Variants in FAP observed in about 807,000 individuals in gnomAD.
FAP encodes fibroblast activation protein alpha.
In FAP, 110 loss-of-function variants were observed where a neutral mutation model predicts 126.5. That is an observed-to-expected ratio of 0.87 (90% confidence interval 0.74 to 1.02). The LOEUF is 1.02. Ranked by LOEUF, FAP falls within the 50% of genes least tolerant of loss-of-function variation. The probability of loss-of-function intolerance (pLI) is 0.00; values close to 1 mark genes in which losing one functional copy is unlikely to be tolerated. For missense variants in FAP, 919 were observed against 909.2 expected (o/e 1.01, Z -0.14); for synonymous variants, 334 against 297.3 (o/e 1.12, Z -1.27).
intron 12 of FAP, among the ~76,000 whole-genome samples, chr2:162,206,319 C>G (rs1424833326): frequency 6.6e-6 from 1 of 152,194 alleles, no homozygotes; most frequent in South Asian, 2.1e-4. Context: ...ACACTGGTTT[C>G]TTTATTATGC....
At chr2:162,197,579 C>T in intron 16 of FAP, 1 of 456,650 alleles carries the variant, frequency 2.2e-6, no homozygotes, top group Non-Finnish European at 4.4e-6. Flanking sequence ...CATCTTTGTG[C>T]TATCTTCAAG....
intron 6 of FAP, chr2:162,221,846 C>A: frequency 2.5e-6 from 1 of 399,234 alleles, no homozygotes; most frequent in Non-Finnish European, 4.9e-6. Flanking sequence ...TTTATAGAGT[C>A]TTCAAAGGCA....
chr2:162,239,169 C>T (rs1423397189), intron 2 of FAP, among the ~76,000 whole-genome samples: 3 of 151,970 alleles, frequency 2.0e-5, no homozygotes, highest in Admixed American at 6.6e-5. Flanking sequence ...ATAGCTGGGA[C>T]GAAAGGTGCA....
Position 162,174,433 on chromosome 2 carries a change from C to T in FAP, c.1969+434G>A, listed in dbSNP as rs529570687. On this transcript the variant is annotated intron_variant, in intron 22 of 25. Coordinates refer to ENST00000188790, the MANE Select transcript of FAP (RefSeq NM_004460.5). ...ATAGGCACAAACAGGAGTATTTCTCCAACAAAGTTTTTGTTTCTTTGATTT... is the reference window on the plus strand; with the variant it reads ...ATAGGCACAAACAGGAGTATTTCTCTAACAAAGTTTTTGTTTCTTTGATTT... Among the ~76,000 whole-genome samples the T allele has an allele frequency of 4.6e-5, 7 of 152,216 alleles. No homozygotes were observed. The South Asian group carries it at 6.2e-4, about 14-fold the overall frequency.
chr2:162,220,069 A>C lies in FAP; in HGVS notation c.414-144T>G, dbSNP rs890604107. On this transcript the variant is annotated intron_variant, in intron 6 of 25. Coordinates refer to ENST00000188790, the MANE Select transcript of FAP (RefSeq NM_004460.5). ...CCCACAAACCTAATGAAAAGAATGC[A>C]GGAATGAAGAACTGGAGACATAGGT... The C allele has an allele frequency of 1.7e-4, 106 of 631,480 alleles. No individual in the cohort carries two copies. The Admixed American group carries it at 3.0e-3, about 18-fold the overall frequency. 39.1% of individuals were successfully genotyped at this position (631,480 alleles called of 1,614,324 possible).
intron 9 of FAP, among the ~76,000 whole-genome samples, chr2:162,216,411 G>A (rs751220472): frequency 6.6e-6 from 1 of 152,142 alleles, no homozygotes; most frequent in Non-Finnish European, 1.5e-5. Context: ...AGAATGGAAA[G>A]AAAAATAAAT....
intron 5 of FAP, 85 bp from the exon 6 acceptor site, chr2:162,223,745 C>A: frequency 2.4e-6 from 2 of 833,452 alleles, no homozygotes; most frequent in South Asian, 3.0e-5. Context: ...GCATCCAATT[C>A]AAAGTTCAGA....
At chr2:162,242,866 A>G in intron 2 of FAP, 42 bp downstream of exon 2, 1 of 1,469,260 alleles carries the variant, frequency 6.8e-7, no homozygotes, top group Non-Finnish European at 9.5e-7. Context: ...ACATTTTCCA[A>G]GCTATTCTAG....
chr2:162,220,048 C>A, intron 6 of FAP, 123 bp from the exon 7 acceptor site: 2 of 675,592 alleles, frequency 3.0e-6, no homozygotes, highest in South Asian at 1.8e-5. Context: ...TCTGCACCCA[C>A]AAACCTAATG....
intron 2 of FAP, among the ~76,000 whole-genome samples, chr2:162,229,152 C>G (rs1576193898): frequency 6.6e-6 from 1 of 151,946 alleles, no homozygotes; most frequent in Admixed American, 6.6e-5. Context: ...ATATAATTTT[C>G]CTTACTTGTG....
chr2:162,196,089 G>C (rs1383300117), intron 16 of FAP, among the ~76,000 whole-genome samples: 1 of 152,178 alleles, frequency 6.6e-6, no homozygotes, highest in East Asian at 1.9e-4. Context: ...AAGCCCCATG[G>C]AGGAAGATGG....
intron 2 of FAP, among the ~76,000 whole-genome samples, chr2:162,237,966 T>G (rs1690204185): frequency 6.6e-6 from 1 of 152,232 alleles, no homozygotes; most frequent in South Asian, 2.1e-4. Flanking sequence ...GAGCTTTTTT[T>G]CATAAGTTTG....
intron 21 of FAP, among the ~76,000 whole-genome samples, chr2:162,181,804 A>G (rs947476424): frequency 6.6e-6 from 1 of 152,220 alleles, no homozygotes; most frequent in Non-Finnish European, 1.5e-5. Context: ...AAAATGTACT[A>G]TGTAGATGAA....
chr2:162,205,771 C>T (rs937086613), intron 12 of FAP, among the ~76,000 whole-genome samples: 10 of 152,164 alleles, frequency 6.6e-5, no homozygotes, highest in Middle Eastern at 3.2e-3. Flanking sequence ...CCTTGGCCTC[C>T]CAAAGTGCTA....
chr2:162,194,332 G>GAAA (rs113792808), intron 17 of FAP, among the ~76,000 whole-genome samples: 1 of 98,490 alleles, frequency 1.0e-5, no homozygotes, highest in East Asian at 3.2e-4. Flanking sequence ...AATCCCTGAG[G>GAAA]AAAAAAAAAA....
intron 11 of FAP, among the ~76,000 whole-genome samples, chr2:162,211,330 C>G (rs1004365029): frequency 3.9e-5 from 6 of 152,170 alleles, no homozygotes; most frequent in African/African-American, 1.4e-4. Context: ...CCCCACTTAC[C>G]TGGACTCACT....
chr2:162,222,323 G>T (rs1689440211), intron 6 of FAP, among the ~76,000 whole-genome samples: 1 of 152,100 alleles, frequency 6.6e-6, no homozygotes, highest in Non-Finnish European at 1.5e-5. Context: ...CACATAGAAG[G>T]GGCTCAATAA....
intron 12 of FAP, among the ~76,000 whole-genome samples, chr2:162,208,990 CA>C (rs1688818891): frequency 6.6e-6 from 1 of 151,786 alleles, no homozygotes; most frequent in Non-Finnish European, 1.5e-5. Context: ...GCATGTAAGC[CA>C]AAATCAACTG....
At chr2:162,235,914 A>G (rs180794052) in intron 2 of FAP, among the ~76,000 whole-genome samples, 30 of 152,294 alleles carry the variant, frequency 2.0e-4, no homozygotes, top group Admixed American at 1.2e-3. Context: ...GTGTGACATT[A>G]GCTTTCATTA....
Sources: gnomAD v4.1 joint callset for allele counts (sites outside exome capture counted in the v4.1 genomes callset) on GRCh38, gnomAD v4.1.1 for gene constraint, MANE v1.5 for transcripts, NCBI Gene and HGNC (gene_info 2026-07-23, HGNC 2026-07-21) for gene names.